IL12RB1: variants seen among roughly 807,000 people sequenced by gnomAD.
IL12RB1 encodes interleukin-12 receptor subunit beta-1.
IL12RB1 carries 64 observed loss-of-function variants against 94.4 expected under a neutral mutation model. That is an observed-to-expected ratio of 0.68 (90% CI 0.55 to 0.83). IL12RB1 has a LOEUF of 0.83. Among genes scored for constraint, IL12RB1 ranks in the 40% least tolerant of loss-of-function variants. IL12RB1 has a pLI of 0.00. For missense variants in IL12RB1, 814 were observed against 855.6 expected (o/e 0.95, Z 0.61); for synonymous variants, 362 against 355.5 (o/e 1.02, Z -0.21).
At chr19:18,090,020 T>C (rs1353964325), upstream of IL12RB1, among the ~76,000 whole-genome samples, 2 of 151,964 alleles carry the variant, frequency 1.3e-5, no homozygotes, top group Admixed American at 1.3e-4. Flanking sequence ...GTGTGAGGCC[T>C]GGGGGAGGGG....
In IL12RB1 at chr19:18,077,569, C is replaced by T. The variant is rs867392309; in HGVS notation, c.496G>A (p.Val166Ile). The T allele has an allele frequency of 1.2e-6, 2 of 1,611,814 alleles. No homozygotes were observed. Among genetic ancestry groups the T allele is most frequent in the Middle Eastern group, 3.3e-4 (2 of 6,056 alleles). ...RMEWETPDNQ[V>I]GAEVQFRHRT... ...TGCCGGAACTGCACCTCAGCACCAA[C>T]CTGGTTATCCGGGGTCTCCCACTCC... The change falls in exon 5 of 17, where the codon GTT becomes ATT. Residue 166 changes from valine (V) to isoleucine (I), a missense_variant. Physicochemically the swap from Val to Ile is conservative, Grantham distance 29. Transcript: ENST00000593993.
At chr19:18,065,686 G>C (rs2034523886) in intron 12 of IL12RB1, among the ~76,000 whole-genome samples, 1 of 152,134 alleles carries the variant, frequency 6.6e-6, no homozygotes, top group Non-Finnish European at 1.5e-5. Flanking sequence ...AGGCATGGTG[G>C]TGGGTGCCTG....
Position 18,061,205 on chromosome 19 carries a change from G to A in IL12RB1, c.1716-8C>T, listed in dbSNP as rs1037288748. 1 of 1,513,378 alleles carries A rather than the reference G, an allele frequency of 6.6e-7. No homozygotes were observed. The highest frequency in any genetic ancestry group is 2.0e-5 in the Admixed American group (1 of 50,336). The allele number at this position is 1,513,378 out of a possible 1,614,324, so 93.7% of individuals were successfully genotyped here. A position where few individuals can be genotyped will look rare whatever the true frequency, so the allele number is the denominator to read the frequency against. On this transcript the variant is annotated splice_region_variant and splice_polypyrimidine_tract_variant and intron_variant, in intron 14 of 16. Transcript: ENST00000593993. ...CACAGGTGCCGTGCGGCCCTGGGGA[G>A]GAAAGGGGACCAGTGAGAGGAGCTG... is the stretch of plus-strand genomic sequence containing the variant.
Position 18,059,122 on chromosome 19 carries a change from C to T in IL12RB1, c.*486G>A, listed in dbSNP as rs1305008267. ...CTGTGTAAGGTCATTATCACCACCCCCATTTTATAGGGGGGTGAGGGTGGG... is the reference window on the plus strand; with the variant it reads ...CTGTGTAAGGTCATTATCACCACCCTCATTTTATAGGGGGGTGAGGGTGGG... On this transcript the variant is annotated 3_prime_UTR_variant, in exon 17 of 17. Coordinates refer to ENST00000593993, the MANE Select transcript of IL12RB1 (RefSeq NM_005535.3). 1 of 170,096 alleles carries T rather than the reference C, an allele frequency of 5.9e-6. No individual in the cohort carries two copies. Among genetic ancestry groups the T allele is most frequent in the Non-Finnish European group, 1.2e-5 (1 of 83,134 alleles). 10.5% of individuals were successfully genotyped at this position (170,096 alleles called of 1,614,324 possible).
At chr19:18,067,035 AAAAAAAGCCCAGCCAC>A (rs1007900683) in intron 11 of IL12RB1, among the ~76,000 whole-genome samples, 1 of 149,862 alleles carries the variant, frequency 6.7e-6, no homozygotes, top group Non-Finnish European at 1.5e-5. Context: ...TTTAAAAAAA[AAAAAAAGCCCAGCCAC>A]GATGGCTCAT....
At chr19:18,076,080 G>T in intron 6 of IL12RB1, among the ~76,000 whole-genome samples, 3 of 152,198 alleles carry the variant, frequency 2.0e-5, no homozygotes, top group Admixed American at 2.0e-4. Flanking sequence ...TCCTGGCTGC[G>T]GCCATCCCTT....
At chr19:18,073,674 G>A (rs2035243516) in intron 7 of IL12RB1, 75 bp from the exon 8 acceptor site, 7 of 910,706 alleles carry the variant, frequency 7.7e-6, no homozygotes, top group Non-Finnish European at 1.1e-5. Context: ...TGTAAATGAT[G>A]GATTCTCCAC....
At chr19:18,059,719 T>TA in intron 16 of IL12RB1, 106 bp from the exon 17 acceptor site, 1 of 756,842 alleles carries the variant, frequency 1.3e-6, no homozygotes, top group Non-Finnish European at 2.5e-6. Flanking sequence ...AAGTGCTTAA[T>TA]AACCAGCCGT....
Position 18,080,989 on chromosome 19 carries a change from C to T in IL12RB1, c.252G>A (p.Gly84=). 3 of 1,612,426 alleles carry T rather than the reference C, an allele frequency of 1.9e-6. No homozygotes were observed. The highest frequency in any genetic ancestry group is 1.1e-5 in the South Asian group (1 of 91,030). Residue 84 remains glycine, a synonymous_variant, in exon 4 of 17, where the codon GGG becomes GGA. Coordinates refer to ENST00000593993, the MANE Select transcript of IL12RB1 (RefSeq NM_005535.3). ...AGCCGGCGGCGAAGTAGCAGCAGCG[C>T]CCGGAGCTAAGGCTGCAGCAGGAAG... The part of the protein sequence containing the change: ...SHFLRCCLSS[G]RCCYFAAGSA...
intron 8 of IL12RB1, among the ~76,000 whole-genome samples, chr19:18,073,312 T>A (rs1377610699): frequency 6.6e-6 from 1 of 152,110 alleles, no homozygotes; most frequent in Non-Finnish European, 1.5e-5. Context: ...TCTGTGAACA[T>A]CTGAGTCCAG....
rs943420161 is a variant in IL12RB1, at chr19:18,086,743, A to T, written c.64+17T>A. On this transcript the variant is annotated intron_variant, in intron 1 of 16. Coordinates refer to ENST00000593993, the MANE Select transcript of IL12RB1 (RefSeq NM_005535.3). ...ACCCAGCAAGAGGAGCCGCCATGCC[A>T]GGGTCAGGGGACTCACCGCCCTGCC... 1.2e-6 allele frequency: 2 copies of T among 1,605,040 alleles called. No homozygotes were observed. Among genetic ancestry groups the T allele is most frequent in the Non-Finnish European group, 1.7e-6 (2 of 1,175,880 alleles).
chr19:18,072,405 A>G, intron 8 of IL12RB1, 56 bp from the exon 9 acceptor site: 2 of 1,126,938 alleles, frequency 1.8e-6, no homozygotes, highest in Non-Finnish European at 2.7e-6. Flanking sequence ...ATCATCCCAT[A>G]GGCAGACAGC....
chr19:18,092,730 C>T (rs2036690736), intron 1 of IL12RB1, among the ~76,000 whole-genome samples: 1 of 150,384 alleles, frequency 6.6e-6, no homozygotes, highest in African/African-American at 2.4e-5. Flanking sequence ...TCTCAAACTC[C>T]TGGTCTCAAG....
chr19:18,065,587 G>A (rs1233355670), intron 12 of IL12RB1, among the ~76,000 whole-genome samples: 1 of 152,178 alleles, frequency 6.6e-6, no homozygotes, highest in Non-Finnish European at 1.5e-5. Flanking sequence ...GGGAGGCCAA[G>A]GCGGGTGATT....
In IL12RB1 at chr19:18,066,537, C is replaced by A. The variant is rs574126894; in HGVS notation, c.1483+5G>T. ...CCCAAGCCAGGTCTGCACTGCCTCA[C>A]GTACCTGACACCTGTTTGCTGTCTT... is the stretch of plus-strand genomic sequence containing the variant. On this transcript the variant is annotated splice_donor_5th_base_variant and intron_variant, in intron 12 of 16. Transcript: ENST00000593993. The A allele has an allele frequency of 1.2e-6, 2 of 1,609,574 alleles. No individual in the cohort carries two copies. The highest frequency in any genetic ancestry group is 3.3e-5 in the Admixed American group (2 of 59,996).
intron 1 of IL12RB1, chr19:18,097,766 G>T: frequency 8.3e-7 from 1 of 1,207,378 alleles, no homozygotes; most frequent in Non-Finnish European, 1.0e-6. Context: ...GGCCGGGGGC[G>T]GGCCTGGCGG....
intron 1 of IL12RB1, among the ~76,000 whole-genome samples, chr19:18,084,887 G>T (rs1240328226): frequency 6.6e-6 from 1 of 152,232 alleles, no homozygotes; most frequent in African/African-American, 2.4e-5. Flanking sequence ...GAGAAGTGGA[G>T]GTGTGCCTGG....
Position 18,069,622 on chromosome 19 carries a change from C to T in IL12RB1, c.1113G>A (p.Trp371Ter). The T allele has an allele frequency of 6.2e-7, 1 of 1,613,366 alleles. No homozygotes were observed. ...GGCCCCCGTCCTGGCCCACAGGCTG[C>T]CATTCAATGCAATACGTCATGCTCT... The part of the protein sequence containing the change: ...RAQSMTYCIE[W>*]QPVGQDGGLA... Residue 371 changes from tryptophan (W) to a stop codon, truncating the protein, a stop_gained, in exon 10 of 17, where the codon TGG (tryptophan) becomes TGA (stop). Coordinates refer to ENST00000593993, the MANE Select transcript of IL12RB1 (RefSeq NM_005535.3). LOFTEE classifies it high-confidence loss of function.
chr19:18,070,388 C>T (rs987864145), intron 9 of IL12RB1, among the ~76,000 whole-genome samples: 2 of 152,246 alleles, frequency 1.3e-5, no homozygotes, highest in Non-Finnish European at 2.9e-5. Flanking sequence ...CTAGCCTAGG[C>T]GGAGAGTGTG....
Sources: gnomAD v4.1 joint callset for allele counts (sites outside exome capture counted in the v4.1 genomes callset) on GRCh38, gnomAD v4.1.1 for gene constraint, MANE v1.5 for transcripts, NCBI Gene and HGNC (gene_info 2026-07-23, HGNC 2026-07-21) for gene names.